Variants in CAMTA1 observed in about 807,000 individuals in gnomAD.
CAMTA1 encodes the protein calmodulin binding transcription activator 1, also known as calmodulin-binding transcription activator 1.
CAMTA1 carries 27 observed loss-of-function variants against 170.9 expected under a neutral mutation model. The ratio of observed to expected loss-of-function variants is 0.16; its 90% CI spans 0.12 to 0.22. CAMTA1 has a LOEUF of 0.22. Among genes scored for constraint, CAMTA1 ranks in the 10% least tolerant of loss-of-function variants. The pLI is 1.00. For missense variants in CAMTA1, 1,619 were observed against 2,217.2 expected, an observed-to-expected ratio of 0.73 and a Z score of 5.42; for synonymous variants, 833 against 891.5, an observed-to-expected ratio of 0.93 and a Z score of 1.17.
chr1:7,263,287 A>C (rs563491622), intron 5 of CAMTA1, among the ~76,000 whole-genome samples: 2 of 152,344 alleles, frequency 1.3e-5, no homozygotes, highest in Admixed American at 1.3e-4. Flanking sequence ...TGTTTTTTAT[A>C]CTTTCTTTTG....
rs1333670855 is a variant in CAMTA1 at position 7,248,050 on chromosome 1, T to A, written c.303-1441T>A. 6.6e-6 allele frequency among the ~76,000 whole-genome samples: 1 copy of A among 152,186 alleles called. No individual in the cohort carries two copies. Among genetic ancestry groups the A allele is most frequent in the Non-Finnish European group, 1.5e-5 (1 of 68,036 alleles). On this transcript the variant is annotated intron_variant, in intron 4 of 22. Transcript: ENST00000303635. The surrounding 1 kb of genome is among the most constrained non-coding windows in gnomAD (Gnocchi z 4.0). ...GGGAGTCGCTGTTGAAAGTCTGTAA[T>A]TTCCAGCGGAATTGCTGTTTAGTCA...
Position 7,313,081 on chromosome 1 carries a change from C to A in CAMTA1, c.438+63455C>A, listed in dbSNP as rs550651806. Reference sequence around the variant, plus strand: ...AAAGTGGATCCCACTCTCCCACCCCCCAGAACTACTATGAAGGAATTTCTT... The same window carrying A: ...AAAGTGGATCCCACTCTCCCACCCCACAGAACTACTATGAAGGAATTTCTT... On this transcript the variant is annotated intron_variant, in intron 5 of 22. Transcript: ENST00000303635. Among the ~76,000 whole-genome samples the A allele has an allele frequency of 2.6e-5, 4 of 152,278 alleles. No individual in the cohort carries two copies. The South Asian group carries it at 8.3e-4, about 32-fold the overall frequency.
At chr1:7,573,039 T>C (rs74055145) in intron 6 of CAMTA1, among the ~76,000 whole-genome samples, 1 of 152,192 alleles carries the variant, frequency 6.6e-6, no homozygotes, top group Non-Finnish European at 1.5e-5. Flanking sequence ...CAATGTCTTA[T>C]TTTAAGCCAT....
chr1:6,868,334 C>T (rs1471748445), intron 3 of CAMTA1, among the ~76,000 whole-genome samples: 1 of 132,262 alleles, frequency 7.6e-6, no homozygotes, highest in African/African-American at 2.7e-5. Context: ...CAAAACAAAA[C>T]AAAACAAAAC....
At chr1:7,508,160 G>A (rs1456623545) in intron 6 of CAMTA1, among the ~76,000 whole-genome samples, 15 of 152,244 alleles carry the variant, frequency 9.9e-5, no homozygotes, top group Non-Finnish European at 2.2e-4. Context: ...CCAGAGAGGT[G>A]GAGCTGGGCT....
At chr1:7,145,835 C>T (rs996316183) in intron 4 of CAMTA1, among the ~76,000 whole-genome samples, 1 of 152,152 alleles carries the variant, frequency 6.6e-6, no homozygotes, top group Non-Finnish European at 1.5e-5. Context: ...TGCCCTTCAG[C>T]GAAATGTGGA....
chr1:7,060,446 C>G (rs1708034315), intron 3 of CAMTA1, among the ~76,000 whole-genome samples: 1 of 152,260 alleles, frequency 6.6e-6, no homozygotes, highest in Admixed American at 6.5e-5. Flanking sequence ...TTAGTCACCT[C>G]TTTAAAGACT....
At chr1:7,019,829 G>A (rs1421165697) in intron 3 of CAMTA1, among the ~76,000 whole-genome samples, 2 of 152,168 alleles carry the variant, frequency 1.3e-5, no homozygotes, top group Non-Finnish European at 2.9e-5. Context: ...CCACAGCCCC[G>A]CCCAGCTCCC....
intron 4 of CAMTA1, among the ~76,000 whole-genome samples, chr1:7,242,975 TA>T (rs1426933112): frequency 6.6e-6 from 1 of 151,322 alleles, no homozygotes; most frequent in East Asian, 1.9e-4. Context: ...AAATAAAAAA[TA>T]AAAAAAAGAA....
At chr1:7,467,710 T>G in intron 5 of CAMTA1, 120 bp from the exon 6 acceptor site, 1 of 898,924 alleles carries the variant, frequency 1.1e-6, no homozygotes, top group Non-Finnish European at 1.9e-6. Context: ...GTGCCCTCGG[T>G]CTCCCTGGGC....
At chr1:6,872,022 T>G in intron 3 of CAMTA1, 2 of 1,138,406 alleles carry the variant, frequency 1.8e-6, no homozygotes, top group Admixed American at 4.1e-5. Flanking sequence ...TAAAATAAAG[T>G]GTAATCTGTG....
intron 3 of CAMTA1, among the ~76,000 whole-genome samples, chr1:6,935,139 C>T (rs1255199365): frequency 6.6e-6 from 1 of 152,208 alleles, no homozygotes; most frequent in African/African-American, 2.4e-5. Context: ...TGACAAATCT[C>T]TCACGGCGCT....
At chr1:7,447,601 C>G (rs2092712319) in intron 5 of CAMTA1, among the ~76,000 whole-genome samples, 1 of 152,146 alleles carries the variant, frequency 6.6e-6, no homozygotes, top group African/African-American at 2.4e-5. Flanking sequence ...TGCTGCAGCC[C>G]CTAACCCTCC....
At chr1:7,326,443 C>T (rs1009054544) in intron 5 of CAMTA1, among the ~76,000 whole-genome samples, 5 of 152,134 alleles carry the variant, frequency 3.3e-5, no homozygotes, top group African/African-American at 1.2e-4. Context: ...GTGAATGTGA[C>T]CTCATTTAAA....
intron 4 of CAMTA1, among the ~76,000 whole-genome samples, chr1:7,133,297 A>G (rs113693319): frequency 0.015 from 2,287 of 152,308 alleles, 60 homozygotes; most frequent in African/African-American, 0.053. Flanking sequence ...CTAAGTCTTT[A>G]TGAATAATCT....
intron 6 of CAMTA1, among the ~76,000 whole-genome samples, chr1:7,505,375 C>T (rs988635862): frequency 6.6e-6 from 1 of 152,146 alleles, no homozygotes; most frequent in Admixed American, 6.5e-5. Flanking sequence ...TGTGCTGGGA[C>T]GTGGGCGTCT....
At chr1:7,550,825 G>C (rs1432659329) in intron 6 of CAMTA1, among the ~76,000 whole-genome samples, 5 of 57,548 alleles carry the variant, frequency 8.7e-5, no homozygotes, top group African/African-American at 2.8e-4. Flanking sequence ...CCTACCACCC[G>C]GCCCCCTCAC....
Position 6,934,062 on chromosome 1 carries a change from G to T in CAMTA1, c.234+108852G>T, listed in dbSNP as rs1276970142. Among the ~76,000 whole-genome samples the T allele has an allele frequency of 1.3e-5, 2 of 152,182 alleles. No individual in the cohort carries two copies. The highest frequency in any genetic ancestry group is 2.9e-5 in the Non-Finnish European group (2 of 68,036). ...GAGCCTCACATTGCTCTCTGCAGAT[G>T]GCCTCTTCTGGAGCTATGCCACCTG... On this transcript the variant is annotated intron_variant, in intron 3 of 22. Transcript: ENST00000303635. This position sits in a 1 kb window ranked among gnomAD's most constrained non-coding sequence, Gnocchi z 4.5.
chr1:7,374,148 G>A (rs2086681634), intron 5 of CAMTA1, among the ~76,000 whole-genome samples: 1 of 152,192 alleles, frequency 6.6e-6, no homozygotes, highest in Non-Finnish European at 1.5e-5. Flanking sequence ...CCGGGCCCCT[G>A]ATGGAAAACT....
Sources: gnomAD v4.1 joint callset for allele counts (sites outside exome capture counted in the v4.1 genomes callset) on GRCh38, gnomAD v4.1.1 for gene constraint, Gnocchi (gnomAD v3.1) non-coding constraint, MANE v1.5 for transcripts, NCBI Gene and HGNC (gene_info 2026-07-23, HGNC 2026-07-21) for gene names.